ADAM10: variants seen among roughly 807,000 people sequenced by gnomAD.
The protein encoded by ADAM10 is ADAM metallopeptidase domain 10.
ADAM10 carries 17 observed loss-of-function variants against 90.1 expected under a neutral mutation model. That is an observed-to-expected ratio of 0.19 (90% CI 0.13 to 0.28). ADAM10 has a LOEUF of 0.28. ADAM10 is among the 10% of genes least tolerant of loss of function. The probability of loss-of-function intolerance (pLI) is 1.00; values close to 1 mark genes in which losing one functional copy is unlikely to be tolerated. For missense variants in ADAM10, 610 were observed against 914.3 expected, an observed-to-expected ratio of 0.67 and a Z score of 4.29; for synonymous variants, 310 against 298.6, an observed-to-expected ratio of 1.04 and a Z score of -0.40.
At chr15:58,749,367 T>G in intron 1 of ADAM10, 113 bp downstream of exon 1, 1 of 1,206,058 alleles carries the variant, frequency 8.3e-7, no homozygotes, top group Middle Eastern at 3.3e-4. Context: ...GTGGCGCCGC[T>G]GGCCGGCTGG....
chr15:58,629,228 G>A (rs555571635), intron 9 of ADAM10: 2 of 152,286 alleles, frequency 1.3e-5, no homozygotes, highest in East Asian at 3.9e-4. Context: ...ATATAAAGAT[G>A]AGAAAAGTAT....
intron 11 of ADAM10, among the ~76,000 whole-genome samples, chr15:58,616,912 TC>T (rs553753180): frequency 1.2e-3 from 178 of 152,170 alleles, no homozygotes; most frequent in African/African-American, 4.1e-3. Flanking sequence ...ATTGAGACCA[TC>T]CTGGCTAACA....
intron 1 of ADAM10, among the ~76,000 whole-genome samples, chr15:58,722,819 CCTCCAGGG>C (rs1183540025): frequency 6.8e-6 from 1 of 147,586 alleles, no homozygotes; most frequent in Non-Finnish European, 1.5e-5. Context: ...GTAGCCTTGA[CCTCCAGGG>C]CTCAGGTGAT....
chr15:58,728,492 C>G (rs2140833954), intron 1 of ADAM10, among the ~76,000 whole-genome samples: 1 of 151,170 alleles, frequency 6.6e-6, no homozygotes, highest in South Asian at 2.1e-4. Flanking sequence ...ACCTATAAGC[C>G]CAGCATTTTG....
chr15:58,706,921 A>G (rs543853124), intron 2 of ADAM10, among the ~76,000 whole-genome samples: 1 of 151,192 alleles, frequency 6.6e-6, no homozygotes, highest in East Asian at 2.0e-4. Flanking sequence ...AGGCAGGAGA[A>G]TCGCTTGAAC....
chr15:58,682,431 T>G, intron 2 of ADAM10, 117 bp from the exon 3 acceptor site: 1 of 1,447,886 alleles, frequency 6.9e-7, no homozygotes, highest in Non-Finnish European at 9.1e-7. Context: ...TTTGTCTATT[T>G]GTGAAATACG....
chr15:58,630,364 G>C (rs1219513419), intron 9 of ADAM10, among the ~76,000 whole-genome samples: 1 of 152,204 alleles, frequency 6.6e-6, no homozygotes, highest in Non-Finnish European at 1.5e-5. Context: ...TTAAAGGTCT[G>C]TGAATTAATT....
chr15:58,673,915 T>G (rs1289729917), intron 4 of ADAM10, among the ~76,000 whole-genome samples: 1 of 152,152 alleles, frequency 6.6e-6, no homozygotes, highest in African/African-American at 2.4e-5. Flanking sequence ...TTTGTATTTT[T>G]AGTAGAGACG....
chr15:58,685,741 A>T (rs1897582139), intron 2 of ADAM10, among the ~76,000 whole-genome samples: 1 of 151,736 alleles, frequency 6.6e-6, no homozygotes, highest in African/African-American at 2.4e-5. Context: ...AAGGGAGGGA[A>T]GGATACCTCA....
chr15:58,654,965 C>T (rs1209038692), intron 5 of ADAM10, among the ~76,000 whole-genome samples: 2 of 152,180 alleles, frequency 1.3e-5, no homozygotes, highest in African/African-American at 4.8e-5. Context: ...AATGTGTATT[C>T]TGCAGCCATT....
intron 3 of ADAM10, 112 bp downstream of exon 3, chr15:58,682,084 C>A: frequency 6.8e-7 from 1 of 1,467,412 alleles, no homozygotes; most frequent in East Asian, 2.4e-5. Flanking sequence ...ATGAATTCAA[C>A]CTCCTCTGGA....
chr15:58,680,639 G>T (rs1163951980), intron 3 of ADAM10, among the ~76,000 whole-genome samples: 1 of 152,124 alleles, frequency 6.6e-6, no homozygotes, highest in Non-Finnish European at 1.5e-5. Flanking sequence ...ATGACATAAA[G>T]GGTGAAAGTA....
intron 5 of ADAM10, among the ~76,000 whole-genome samples, chr15:58,650,086 GTTAA>G (rs776663381): frequency 9.9e-5 from 15 of 151,864 alleles, no homozygotes; most frequent in Non-Finnish European, 1.6e-4. Context: ...AAGTTCTTTT[GTTAA>G]TTTTCAATTT....
At position 58,596,275 on chromosome 15, in the gene ADAM10, C is replaced by T. The variant is rs1337218303; in HGVS notation, c.*1272G>A. On this transcript the variant is annotated 3_prime_UTR_variant, in exon 16 of 16. Coordinates refer to ENST00000260408, the MANE Select transcript of ADAM10 (RefSeq NM_001110.4). ...AATGCCCCTTCTATTTCCTGCATAG[C>T]AATAAGCCTGTTAATACATTAAATG... 1 of 152,218 alleles carries T rather than the reference C, an allele frequency of 6.6e-6. No individual in the cohort carries two copies. Among genetic ancestry groups the T allele is most frequent in the African/African-American group, 2.4e-5 (1 of 41,428 alleles). The allele number at this position is 152,218 out of a possible 1,614,324, so 9.4% of individuals were successfully genotyped here. A position where few individuals can be genotyped will look rare whatever the true frequency, so the allele number is the denominator to read the frequency against.
At chr15:58,620,404 T>C (rs1895744300) in intron 11 of ADAM10, among the ~76,000 whole-genome samples, 1 of 151,834 alleles carries the variant, frequency 6.6e-6, no homozygotes, top group Non-Finnish European at 1.5e-5. Flanking sequence ...GAGGCAGAGG[T>C]TGCAGTGAGC....
intron 1 of ADAM10, among the ~76,000 whole-genome samples, chr15:58,725,106 T>G (rs1898987870): frequency 6.6e-6 from 1 of 151,930 alleles, no homozygotes; most frequent in Non-Finnish European, 1.5e-5. Flanking sequence ...GGAGGATTGC[T>G]TGAAGCCCAG....
chr15:58,707,082 G>GC (rs1209737648), intron 2 of ADAM10, among the ~76,000 whole-genome samples: 13 of 46,748 alleles, frequency 2.8e-4, no homozygotes, highest in Middle Eastern at 0.01. Flanking sequence ...TATAAACTTT[G>GC]GGGGGGGGAA....
intron 5 of ADAM10, among the ~76,000 whole-genome samples, chr15:58,648,935 C>T (rs1896620470): frequency 6.6e-6 from 1 of 151,808 alleles, no homozygotes; most frequent in East Asian, 1.9e-4. Flanking sequence ...GTTTTACTTT[C>T]CATCTTTTCT....
chr15:58,704,212 A>C (rs1222721391), intron 2 of ADAM10: 1 of 152,258 alleles, frequency 6.6e-6, no homozygotes, highest in Non-Finnish European at 1.5e-5. Flanking sequence ...GAAATAAGTC[A>C]GTCATAAATA....
Sources: gnomAD v4.1 joint callset for allele counts (sites outside exome capture counted in the v4.1 genomes callset) on GRCh38, gnomAD v4.1.1 for gene constraint, MANE v1.5 for transcripts, NCBI Gene and HGNC (gene_info 2026-07-23, HGNC 2026-07-21) for gene names.